Variants in PITPNM3 observed in about 807,000 individuals in gnomAD.
PITPNM3 encodes the protein membrane-associated phosphatidylinositol transfer protein 3.
Under a neutral mutation model 102.0 loss-of-function variants are expected in PITPNM3, and 26 were observed. The ratio of observed to expected loss-of-function variants is 0.25; its 90% CI spans 0.19 to 0.35. The LOEUF is 0.35. PITPNM3 is among the 10% of genes least tolerant of loss of function. The pLI, the probability that PITPNM3 is intolerant of heterozygous loss-of-function variation, is 1.00. For missense variants in PITPNM3, 1,083 were observed against 1,346.1 expected, an observed-to-expected ratio of 0.80 and a Z score of 3.06; for synonymous variants, 578 against 558.6, an observed-to-expected ratio of 1.03 and a Z score of -0.49.
chr17:6,483,454 G>T, intron 6 of PITPNM3, 63 bp downstream of exon 6: 1 of 1,481,350 alleles, frequency 6.8e-7, no homozygotes, highest in Admixed American at 1.9e-5. Context: ...GCTGCAGGGG[G>T]AGCCCCTCCA....
rs1471500273 is a variant in PITPNM3 at position 6,464,752 on chromosome 17, C to T, written c.1910G>A (p.Arg637Gln). The change falls in exon 15 of 20, where the codon CGG becomes CAG. Residue 637 changes from arginine (R) to glutamine (Q), a missense_variant. By Grantham distance (43) the Arg-to-Gln change is conservative (BLOSUM62 1). Around this residue, in one of 5 missense-constraint regions of PITPNM3, gnomAD observed 410 missense variants for 638.4 expected, o/e 0.64. Transcript: ENST00000262483. ...TTCAGCAGCAATCACATCATTGGCC[C>T]GGTGATTAGCCGTGACATTCTGGAA... is the stretch of plus-strand genomic sequence containing the variant. ...VKLRNVTANH[R>Q]ANDVIAAEDG... is the part of the protein sequence containing the mutation. 1.9e-6 allele frequency: 3 copies of T among 1,614,162 alleles called. No individual in the cohort carries two copies. The highest frequency in any genetic ancestry group is 1.6e-4 in the Middle Eastern group (1 of 6,062).
At chr17:6,545,131 G>T (rs999801151) in intron 1 of PITPNM3, among the ~76,000 whole-genome samples, 13 of 152,136 alleles carry the variant, frequency 8.5e-5, no homozygotes, top group African/African-American at 3.1e-4. Context: ...CTAAATGACA[G>T]GAAACCCTTC....
At chr17:6,463,643 C>T (rs1307929214) in intron 17 of PITPNM3, 89 bp downstream of exon 17, 10 of 1,516,508 alleles carry the variant, frequency 6.6e-6, no homozygotes, top group Non-Finnish European at 8.9e-6. Flanking sequence ...AGAATTCCTA[C>T]AGCAAATCAG....
At chr17:6,514,169 A>C (rs2150625778) in intron 3 of PITPNM3, among the ~76,000 whole-genome samples, 1 of 152,366 alleles carries the variant, frequency 6.6e-6, no homozygotes, top group Non-Finnish European at 1.5e-5. Flanking sequence ...TTACAAAGAA[A>C]ACATGGGGGT....
intron 2 of PITPNM3, 128 bp from the exon 3 acceptor site, chr17:6,525,591 CTTG>C: frequency 4.1e-6 from 3 of 733,996 alleles, no homozygotes; most frequent in Non-Finnish European, 7.4e-6. Flanking sequence ...CACCTCAACT[CTTG>C]AAGGTGTCTG....
intron 3 of PITPNM3, among the ~76,000 whole-genome samples, chr17:6,524,183 T>C (rs1908695202): frequency 6.6e-6 from 1 of 152,222 alleles, no homozygotes. Context: ...GCCGTTCCCG[T>C]GGGCTGGGCC....
At chr17:6,471,051 T>C (rs1482170277) in intron 12 of PITPNM3, 110 bp downstream of exon 12, 31 of 1,308,076 alleles carry the variant, frequency 2.4e-5, no homozygotes, top group Non-Finnish European at 3.3e-5. Context: ...CTTCACCTTC[T>C]CCCTATCCCA....
At chr17:6,501,253 TG>T (rs1299276546) in intron 4 of PITPNM3, among the ~76,000 whole-genome samples, 1 of 152,198 alleles carries the variant, frequency 6.6e-6, no homozygotes, top group Admixed American at 6.5e-5. Context: ...TCCTGGGGAA[TG>T]GGGTGACACC....
At chr17:6,549,486 A>C (rs996713922) in intron 1 of PITPNM3, among the ~76,000 whole-genome samples, 3 of 152,130 alleles carry the variant, frequency 2.0e-5, no homozygotes, top group African/African-American at 7.2e-5. Flanking sequence ...CCCACCCCAG[A>C]GTCATGGACA....
chr17:6,464,690 C>T lies in PITPNM3; in HGVS notation c.1972G>A (p.Gly658Arg). 2 of 1,614,158 alleles carry T rather than the reference C, an allele frequency of 1.2e-6. No individual in the cohort carries two copies. The highest frequency in any genetic ancestry group is 1.7e-6 in the Non-Finnish European group (2 of 1,180,026). ...GTCAGAGCCACCATGTCGAGGGGCC[C>T]GTACATGAACCGCCCCACCAGGACC... The part of the protein sequence containing the change: ...PQVLVGRFMY[G>R]PLDMVALTGE... Residue 658 changes from glycine (G) to arginine (R), a missense_variant, in exon 15 of 20, where the codon GGG (glycine) becomes AGG (arginine). Physicochemically the swap from Gly to Arg is moderately radical, Grantham distance 125. Transcript: ENST00000262483.
chr17:6,547,743 CTT>C (rs528759983), intron 1 of PITPNM3, among the ~76,000 whole-genome samples: 3 of 145,974 alleles, frequency 2.1e-5, no homozygotes, highest in Non-Finnish European at 1.5e-5. Context: ...CTTTTCTTTT[CTT>C]TTTTTTTTTG....
At chr17:6,523,818 G>A (rs994819220) in intron 3 of PITPNM3, among the ~76,000 whole-genome samples, 5 of 152,216 alleles carry the variant, frequency 3.3e-5, no homozygotes, top group Admixed American at 6.5e-5. Flanking sequence ...CCCCCTTCTC[G>A]TGGATGGGAC....
intron 15 of PITPNM3, 104 bp from the exon 16 acceptor site, chr17:6,464,422 T>C: frequency 7.8e-7 from 1 of 1,278,690 alleles, no homozygotes; most frequent in South Asian, 1.2e-5. Flanking sequence ...CTGCCTGACA[T>C]TCCCTGGCTC....
chr17:6,474,620 G>C lies in PITPNM3; in HGVS notation c.1086-16C>G. On this transcript the variant is annotated splice_polypyrimidine_tract_variant and intron_variant, in intron 9 of 19. Coordinates refer to ENST00000262483, the MANE Select transcript of PITPNM3 (RefSeq NM_031220.4). The stretch of plus-strand genomic sequence containing the variant: ...GGAGTGGATGCTGCGGAGGGAGGAG[G>C]ACGCAGGGCAGGGCAGGTCAGGGAA... 2 of 1,553,210 alleles carry C rather than the reference G, an allele frequency of 1.3e-6. No homozygotes were observed. Among genetic ancestry groups the C allele is most frequent in the Non-Finnish European group, 1.7e-6 (2 of 1,149,226 alleles).
chr17:6,492,006 CTATT>C (rs1439876949), intron 4 of PITPNM3, among the ~76,000 whole-genome samples: 1 of 150,584 alleles, frequency 6.6e-6, no homozygotes, highest in East Asian at 1.9e-4. Flanking sequence ...TAGTTTAAAA[CTATT>C]TATGAATGTT....
Position 6,469,899 on chromosome 17 carries a change from C to T in PITPNM3, c.1773+361G>A, listed in dbSNP as rs1305045441. Among the ~76,000 whole-genome samples, 12 of 152,202 alleles carry T rather than the reference C, an allele frequency of 7.9e-5. No individual in the cohort carries two copies. The highest frequency in any genetic ancestry group is 1.8e-4 in the Non-Finnish European group (12 of 68,032). On this transcript the variant is annotated intron_variant, in intron 13 of 19. Coordinates refer to ENST00000262483, the MANE Select transcript of PITPNM3 (RefSeq NM_031220.4). This position sits in a 1 kb window ranked among gnomAD's most constrained non-coding sequence, Gnocchi z 4.0. ...CCTCCCCACCAGGCTCTCCTTCTGG[C>T]GCCGGCCTTTCTGCTATACCTTCTG...
chr17:6,519,181 C>CAAAAA (rs1490830877), intron 3 of PITPNM3, among the ~76,000 whole-genome samples: 1 of 72,380 alleles, frequency 1.4e-5, no homozygotes, highest in Non-Finnish European at 3.0e-5. Flanking sequence ...ACTAAAAATA[C>CAAAAA]AAAAAATTAG....
At chr17:6,538,780 T>C (rs165105) in intron 1 of PITPNM3, among the ~76,000 whole-genome samples, 89,998 of 152,096 alleles carry the variant, frequency 0.59, 26,842 homozygotes, top group South Asian at 0.73. Context: ...CTGACTGATA[T>C]TGGAGGAGCC....
intron 3 of PITPNM3, among the ~76,000 whole-genome samples, chr17:6,511,478 T>C (rs553398830): frequency 2.6e-4 from 39 of 152,120 alleles, no homozygotes; most frequent in Non-Finnish European, 5.3e-4. Context: ...GGCAGAGAGA[T>C]CTAAGGAGGG....
Sources: allele counts gnomAD v4.1 joint callset (sites outside exome capture counted in the v4.1 genomes callset), GRCh38; gene constraint gnomAD v4.1.1; regional missense constraint gnomAD v4.1.1; non-coding constraint Gnocchi (gnomAD v3.1); transcripts MANE v1.5; gene names NCBI Gene and HGNC (gene_info 2026-07-23, HGNC 2026-07-21).